Variants in PAQR4 observed in about 807,000 individuals in gnomAD.
The protein encoded by PAQR4 is progestin and adipoQ receptor family member IV.
Under a neutral mutation model 20.9 loss-of-function variants are expected in PAQR4, and 26 were observed. The observed-to-expected ratio is 1.24, with a 90% confidence interval of 0.91 to 1.73. The LOEUF is 1.73. Ranked by LOEUF, PAQR4 falls within the 40% of genes most tolerant of loss-of-function variation. The pLI is 0.00. For synonymous variants in PAQR4, 193 were observed against 171.6 expected, an observed-to-expected ratio of 1.12 and a Z score of -0.97; for missense variants, 400 against 380.1, an observed-to-expected ratio of 1.05 and a Z score of -0.44.
At chr16:2,970,969 C>T in intron 1 of PAQR4, 188 bp from the exon 2 acceptor site, 3 of 620,590 alleles carry the variant, frequency 4.8e-6, no homozygotes, top group Non-Finnish European at 5.7e-6. Flanking sequence ...CCAGACCATC[C>T]TGAGCCATGA....
chr16:2,973,274 C>G lies in PAQR4; in HGVS notation c.*1326C>G, dbSNP rs369877896. On this transcript the variant is annotated 3_prime_UTR_variant, in exon 3 of 3. Coordinates refer to ENST00000318782, the MANE Select transcript of PAQR4 (RefSeq NM_152341.5). ...CAGGGCTAGGGAGTGCCGGATGAAA[C>G]CAGCTCTGTCCCTGTGCAGGCTCCA... 414 of 1,488,210 alleles carry G rather than the reference C, an allele frequency of 2.8e-4. No individual in the cohort carries two copies. Among genetic ancestry groups the G allele is most frequent in the Non-Finnish European group, 3.5e-4 (390 of 1,118,824 alleles). The allele number at this position is 1,488,210 out of a possible 1,614,324, so 92.2% of individuals were successfully genotyped here.
Position 2,971,644 on chromosome 16 carries a change from G to T in PAQR4, c.518G>T (p.Arg173Leu). Reference sequence around the variant, plus strand: ...CTCACCGCCCCCTCCACCAGTGCTCGGCTCCGGGCATTTGGATGGCAGGCT... The same window carrying T: ...CTCACCGCCCCCTCCACCAGTGCTCTGCTCCGGGCATTTGGATGGCAGGCT... ...RALTAPSTSARLRAFGWQAAA... is the reference protein window; with the variant it reads ...RALTAPSTSALLRAFGWQAAA... The change falls in exon 3 of 3, where the codon CGG (arginine) becomes CTG (leucine). Residue 173 changes from arginine to leucine, a missense_variant. By Grantham distance (102) the Arg-to-Leu change is moderately radical (BLOSUM62 -2). Transcript: ENST00000318782. 6.2e-7 allele frequency: 1 copy of T among 1,609,102 alleles called. No homozygotes were observed.
Position 2,973,071 on chromosome 16 carries a change from G to A in PAQR4, c.*1123G>A, listed in dbSNP as rs1371735711. On this transcript the variant is annotated 3_prime_UTR_variant, in exon 3 of 3. Transcript: ENST00000318782. ...ACTTAGGTCCAGGGCATCCCTGGGA[G>A]GAGAGAGTAGTGACACTCAGGATCC... 2 of 1,593,872 alleles carry A rather than the reference G, an allele frequency of 1.3e-6. No homozygotes were observed. The highest frequency in any genetic ancestry group is 1.7e-6 in the Non-Finnish European group (2 of 1,171,002).
In PAQR4 at chr16:2,969,746, C is replaced by G; in HGVS notation, c.72C>G (p.Phe24Leu). 5 of 1,610,400 alleles carry G rather than the reference C, an allele frequency of 3.1e-6. No individual in the cohort carries two copies. Among genetic ancestry groups the G allele is most frequent in the Non-Finnish European group, 4.2e-6 (5 of 1,178,920 alleles). ...CGCCGCACCTGCAGTTCAATAAGTT[C>G]GTGCTGACCGGGTACCGGCCCGCCA... ...SSPPHLQFNK[F>L]VLTGYRPASS... The change falls in exon 1 of 3, where the codon TTC becomes TTG. Residue 24 changes from phenylalanine to leucine, a missense_variant. Transcript: ENST00000318782.
chr16:2,971,786 T>C lies in PAQR4; in HGVS notation c.660T>C (p.Asn220=), dbSNP rs762482861. ...DALALLGGLV[N]VARLPERWGP... ...TGGCGCTGCTTGGGGGACTGGTAAA[T>C]GTAGCCCGTCTGCCCGAGCGCTGGG... Residue 220 remains asparagine (N), a synonymous_variant, in exon 3 of 3, where the codon AAT becomes AAC. Coordinates refer to ENST00000318782, the MANE Select transcript of PAQR4 (RefSeq NM_152341.5). 2 of 1,612,920 alleles carry C rather than the reference T, an allele frequency of 1.2e-6. No individual in the cohort carries two copies. Among genetic ancestry groups the C allele is most frequent in the South Asian group, 1.1e-5 (1 of 91,082 alleles).
rs2071995885 is a variant in PAQR4, at chr16:2,971,651, G to A, written c.525G>A (p.Arg175=). The change falls in exon 3 of 3, where the codon CGG becomes CGA. Residue 175 remains arginine (R), a synonymous_variant. Transcript: ENST00000318782. ...CCCCCTCCACCAGTGCTCGGCTCCG[G>A]GCATTTGGATGGCAGGCTGCTGCCC... is the stretch of plus-strand genomic sequence containing the variant. The part of the protein sequence containing the change: ...LTAPSTSARL[R]AFGWQAAARL... The A allele has an allele frequency of 1.2e-6, 2 of 1,610,152 alleles. No homozygotes were observed. The highest frequency in any genetic ancestry group is 1.7e-6 in the Non-Finnish European group (2 of 1,179,876).
chr16:2,969,550 C>A lies in PAQR4; in HGVS notation c.-125C>A. ...CTAGCCAGCGCGTGCGCCGATCGAGCGCAGGGCGATGGGTGGGCGCCGGGC... is the reference window on the plus strand; with the variant it reads ...CTAGCCAGCGCGTGCGCCGATCGAGAGCAGGGCGATGGGTGGGCGCCGGGC... On this transcript the variant is annotated 5_prime_UTR_variant, in exon 1 of 3. Coordinates refer to ENST00000318782, the MANE Select transcript of PAQR4 (RefSeq NM_152341.5). The A allele has an allele frequency of 8.7e-7, 1 of 1,150,128 alleles. No individual in the cohort carries two copies. Among genetic ancestry groups the A allele is most frequent in the Non-Finnish European group, 1.1e-6 (1 of 884,656 alleles). The allele number at this position is 1,150,128 out of a possible 1,614,324, so 71.2% of individuals were successfully genotyped here.
In PAQR4 at chr16:2,972,388, T is replaced by C. The variant is rs915160936; in HGVS notation, c.*440T>C. On this transcript the variant is annotated 3_prime_UTR_variant, in exon 3 of 3. Coordinates refer to ENST00000318782, the MANE Select transcript of PAQR4 (RefSeq NM_152341.5). ...ATCTTTCTGCCCTGCATACCAGCCC[T>C]CCCAGCAGCCACAAGCTTGCCCGCC... 9.1e-6 allele frequency: 5 copies of C among 548,234 alleles called. No homozygotes were observed. The highest frequency in any genetic ancestry group is 2.4e-5 in the South Asian group (1 of 41,944). The allele number at this position is 548,234 out of a possible 1,614,324, so 34.0% of individuals were successfully genotyped here. A position where few individuals can be genotyped will look rare whatever the true frequency, so the allele number is the denominator to read the frequency against.
rs1024199456 is a variant in PAQR4, at chr16:2,969,489, C to A, written c.-186C>A. On this transcript the variant is annotated 5_prime_UTR_variant, in exon 1 of 3. Coordinates refer to ENST00000318782, the MANE Select transcript of PAQR4 (RefSeq NM_152341.5). ...CCGGCGCGGGGGCGACGGACTCGCG[C>A]GTGCGCAGCGCCGGAGGGGCGCGGG... The A allele has an allele frequency of 2.3e-6, 1 of 437,672 alleles. No homozygotes were observed. Among genetic ancestry groups the A allele is most frequent in the South Asian group, 1.1e-4 (1 of 9,014 alleles). The allele number at this position is 437,672 out of a possible 1,614,324, so 27.1% of individuals were successfully genotyped here.
rs1299729865 is a variant in PAQR4 at position 2,972,649 on chromosome 16, G to A, written c.*701G>A. 1.3e-6 allele frequency: 2 copies of A among 1,535,622 alleles called. No homozygotes were observed. The highest frequency in any genetic ancestry group is 2.0e-5 in the Admixed American group (1 of 50,962). ...CAGGTACCCACCGGGGGATGTGCCT[G>A]CTCAGGAAACCTCTTTGCTCCACAC... On this transcript the variant is annotated 3_prime_UTR_variant, in exon 3 of 3. Coordinates refer to ENST00000318782, the MANE Select transcript of PAQR4 (RefSeq NM_152341.5).
In PAQR4 at chr16:2,969,662, C is replaced by G. The variant is rs1180909285; in HGVS notation, c.-13C>G. On this transcript the variant is annotated 5_prime_UTR_variant, in exon 1 of 3. Transcript: ENST00000318782. The stretch of plus-strand genomic sequence containing the variant: ...GGACAGCAGGAGCACGGGCTGCCCG[C>G]GCGGTGCGGACCATGGCGTTCCTGG... 1 of 1,515,934 alleles carries G rather than the reference C, an allele frequency of 6.6e-7. No homozygotes were observed. Among genetic ancestry groups the G allele is most frequent in the East Asian group, 2.7e-5 (1 of 37,442 alleles). The allele number at this position is 1,515,934 out of a possible 1,614,324, so 93.9% of individuals were successfully genotyped here.
Position 2,971,695 on chromosome 16 carries a change from C to T in PAQR4, c.569C>T (p.Ala190Val), listed in dbSNP as rs754911939. 3.7e-6 allele frequency: 6 copies of T among 1,612,160 alleles called. 1 individual carries two copies. The South Asian group carries it at 6.6e-5, about 18-fold the overall frequency. Reference sequence around the variant, plus strand: ...GCTGCCCGCCTACTGGTATTTGGGGCCCGGGGAGTGGGTCTGGGTTCAGGG... The same window carrying T: ...GCTGCCCGCCTACTGGTATTTGGGGTCCGGGGAGTGGGTCTGGGTTCAGGG... The part of the protein sequence containing the change: ...QAAARLLVFG[A>V]RGVGLGSGAP... Residue 190 changes from alanine (A) to valine (V), a missense_variant, in exon 3 of 3, where the codon GCC (alanine) becomes GTC (valine). Physicochemically the swap from Ala to Val is moderately conservative, Grantham distance 64 (BLOSUM62 0). Transcript: ENST00000318782.
In PAQR4 at chr16:2,970,975, CATG is replaced by C. The variant is rs1388262865; in HGVS notation, c.167-179_167-177del. ...CTCTACTTCCCAGACCATCCTGAGCCATGATAAGTAACCAGTGCCAAAAGCCTT... is the reference window on the plus strand; with the variant it reads ...CTCTACTTCCCAGACCATCCTGAGCCATAAGTAACCAGTGCCAAAAGCCTT... On this transcript the variant is annotated intron_variant, in intron 1 of 2. Coordinates refer to ENST00000318782, the MANE Select transcript of PAQR4 (RefSeq NM_152341.5). 41 of 622,856 alleles carry C rather than the reference CATG, an allele frequency of 6.6e-5. 1 individual carries two copies. Among genetic ancestry groups the C allele is most frequent in the South Asian group, 5.6e-4 (29 of 51,760 alleles). The allele number at this position is 622,856 out of a possible 1,614,324, so 38.6% of individuals were successfully genotyped here. A position where few individuals can be genotyped will look rare whatever the true frequency, so the allele number is the denominator to read the frequency against.
At chr16:2,971,057 T>G in intron 1 of PAQR4, 100 bp from the exon 2 acceptor site, 1 of 1,222,250 alleles carries the variant, frequency 8.2e-7, no homozygotes, top group East Asian at 2.4e-5. Flanking sequence ...ATGACAGCAT[T>G]ACCTGGACCT....
Position 2,971,143 on chromosome 16 carries a change from G to T in PAQR4, c.167-14G>T, listed in dbSNP as rs1567377988. 6.2e-7 allele frequency: 1 copy of T among 1,611,952 alleles called. No individual in the cohort carries two copies. The highest frequency in any genetic ancestry group is 8.5e-7 in the Non-Finnish European group (1 of 1,179,080). ...GACTGAAACTATCTGGTAGATGACT[G>T]TCTCCCTCCCTAGGGCTGGCCCTGC... On this transcript the variant is annotated splice_polypyrimidine_tract_variant and intron_variant, in intron 1 of 2. Transcript: ENST00000318782.
At chr16:2,970,557 G>C (rs1416360312) in intron 1 of PAQR4, among the ~76,000 whole-genome samples, 2 of 152,228 alleles carry the variant, frequency 1.3e-5, no homozygotes, top group African/African-American at 4.8e-5. Flanking sequence ...ACTCCCCAGG[G>C]AGAGGTCTGG....
chr16:2,971,773 G>T lies in PAQR4; in HGVS notation c.647G>T (p.Gly216Val). Reference sequence around the variant, plus strand: ...CGCATGGACGCACTGGCGCTGCTTGGGGGACTGGTAAATGTAGCCCGTCTG... The same window carrying T: ...CGCATGGACGCACTGGCGCTGCTTGTGGGACTGGTAAATGTAGCCCGTCTG... ...YLRMDALALL[G>V]GLVNVARLPE... The change falls in exon 3 of 3, where the codon GGG (glycine) becomes GTG (valine). Residue 216 changes from glycine (G) to valine (V), a missense_variant. Transcript: ENST00000318782. 4 of 1,612,980 alleles carry T rather than the reference G, an allele frequency of 2.5e-6. No individual in the cohort carries two copies. Among genetic ancestry groups the T allele is most frequent in the Non-Finnish European group, 2.5e-6 (3 of 1,179,912 alleles).
chr16:2,971,025 C>A, intron 1 of PAQR4, 132 bp from the exon 2 acceptor site: 1 of 896,356 alleles, frequency 1.1e-6, no homozygotes, highest in Non-Finnish European at 1.7e-6. Flanking sequence ...CTGTCTCTGG[C>A]CAAGGCCAGG....
In PAQR4 at chr16:2,972,780, G is replaced by GA; in HGVS notation, c.*834dup. The GA allele has an allele frequency of 6.5e-7, 1 of 1,540,428 alleles. No individual in the cohort carries two copies. Among genetic ancestry groups the GA allele is most frequent in the Non-Finnish European group, 8.7e-7 (1 of 1,144,994 alleles). ...CTGGATGACATCAATAAAGGGACAG[G>GA]AAGGGCCATGTTGCCACATGAGCAA... On this transcript the variant is annotated 3_prime_UTR_variant, in exon 3 of 3. Transcript: ENST00000318782.
Sources: allele counts gnomAD v4.1 joint callset (sites outside exome capture counted in the v4.1 genomes callset), GRCh38; gene constraint gnomAD v4.1.1; transcripts MANE v1.5; gene names NCBI Gene and HGNC (gene_info 2026-07-23, HGNC 2026-07-21).